The following TENM4 variants were observed in gnomAD, a reference collection of about 807,000 sequenced individuals.
The protein encoded by TENM4 is teneurin transmembrane protein 4, also known as teneurin-4.
Under a neutral mutation model 243.3 loss-of-function variants are expected in TENM4, and 82 were observed. The ratio of observed to expected loss-of-function variants is 0.34; its 90% CI spans 0.28 to 0.40. The LOEUF is 0.40. TENM4 is among the 10% of genes least tolerant of loss of function. The pLI is 1.00. For synonymous variants in TENM4, 1,412 were observed against 1,456.3 expected (o/e 0.97, Z 0.69); for missense variants, 3,138 against 3,673.3 (o/e 0.85, Z 3.77).
chr11:78,896,832 A>T (rs1855811058), intron 7 of TENM4, among the ~76,000 whole-genome samples: 1 of 152,100 alleles, frequency 6.6e-6, no homozygotes, highest in African/African-American at 2.4e-5. Flanking sequence ...GACCTGAGGC[A>T]AGTTACTTAA....
chr11:78,660,673 T>C (rs961988847), intron 33 of TENM4, among the ~76,000 whole-genome samples: 3 of 152,216 alleles, frequency 2.0e-5, no homozygotes, highest in African/African-American at 4.8e-5. Context: ...AGGCTTAGTC[T>C]CTGCCTGATT....
chr11:78,866,170 G>A (rs1445090784), intron 9 of TENM4, among the ~76,000 whole-genome samples: 1 of 152,140 alleles, frequency 6.6e-6, no homozygotes, highest in Non-Finnish European at 1.5e-5. Context: ...GGCTGGATTA[G>A]CTCAAAATTC....
chr11:79,271,895 C>A (rs1361520499), intron 2 of TENM4, among the ~76,000 whole-genome samples: 1 of 152,206 alleles, frequency 6.6e-6, no homozygotes, highest in Admixed American at 6.5e-5. Flanking sequence ...ACTTCCCATG[C>A]ACTGAGCACC....
intron 4 of TENM4, among the ~76,000 whole-genome samples, chr11:79,071,411 C>T (rs988330013): frequency 6.6e-6 from 1 of 151,402 alleles, no homozygotes; most frequent in Non-Finnish European, 1.5e-5. Context: ...GGGGCCTTGA[C>T]AGCTGGGAGG....
In TENM4 at chr11:78,669,548, C is replaced by A; in HGVS notation, c.6797G>T (p.Gly2266Val). The change falls in exon 32 of 34, where the codon GGT becomes GTT. Residue 2266 changes from glycine to valine, a missense_variant. Transcript: ENST00000278550. The surrounding 1 kb of genome is among the most constrained non-coding windows in gnomAD (Gnocchi z 6.4). The stretch of plus-strand genomic sequence containing the variant: ...AGCTGAGTTGTACTCAAAGATATCA[C>A]CGCCCCGCTGCCTCAGGAAGCCATC... Reference protein sequence around the residue: ...DEDGFLRQRGGDIFEYNSAGL... With the variant: ...DEDGFLRQRGVDIFEYNSAGL... The A allele has an allele frequency of 1.9e-6, 3 of 1,613,956 alleles. No homozygotes were observed. The highest frequency in any genetic ancestry group is 2.5e-6 in the Non-Finnish European group (3 of 1,179,900).
chr11:79,378,352 C>T (rs532539215), intron 1 of TENM4, among the ~76,000 whole-genome samples: 3 of 152,318 alleles, frequency 2.0e-5, no homozygotes, highest in Non-Finnish European at 4.4e-5. Flanking sequence ...ATGTGGGGAT[C>T]ACGCTCCTGA....
intron 2 of TENM4, among the ~76,000 whole-genome samples, chr11:79,220,608 A>G (rs1864137839): frequency 6.6e-6 from 1 of 152,206 alleles, no homozygotes; most frequent in African/African-American, 2.4e-5. Flanking sequence ...TTTCCTCCTC[A>G]CAAATTTACC....
intron 29 of TENM4, among the ~76,000 whole-genome samples, chr11:78,677,326 C>T (rs1353982032): frequency 6.7e-6 from 1 of 149,332 alleles, no homozygotes; most frequent in African/African-American, 2.5e-5. Flanking sequence ...GTGATCATAG[C>T]TCACTGTAAC....
chr11:79,125,614 C>G (rs1485763058), intron 4 of TENM4, among the ~76,000 whole-genome samples: 1 of 152,136 alleles, frequency 6.6e-6, no homozygotes, highest in Non-Finnish European at 1.5e-5. Context: ...TTTGTAAACT[C>G]TGATGAACTT....
intron 6 of TENM4, among the ~76,000 whole-genome samples, chr11:79,004,885 A>G (rs1271121050): frequency 6.6e-6 from 1 of 151,578 alleles, no homozygotes; most frequent in Non-Finnish European, 1.5e-5. Context: ...AGAAGATACA[A>G]ATAAACACAA....
At chr11:78,685,228 T>G (rs1858637287) in intron 29 of TENM4, among the ~76,000 whole-genome samples, 1 of 152,246 alleles carries the variant, frequency 6.6e-6, no homozygotes, top group South Asian at 2.1e-4. Flanking sequence ...GGGAACAGCA[T>G]CTGTAGAGGC....
chr11:79,196,481 T>C (rs1863629497), intron 3 of TENM4, among the ~76,000 whole-genome samples: 1 of 152,068 alleles, frequency 6.6e-6, no homozygotes, highest in South Asian at 2.1e-4. Context: ...AGCCTCAGTG[T>C]CTCTGTCTGT....
At chr11:79,075,855 G>T (rs1461728804) in intron 4 of TENM4, among the ~76,000 whole-genome samples, 3 of 152,240 alleles carry the variant, frequency 2.0e-5, no homozygotes, top group Non-Finnish European at 4.4e-5. Flanking sequence ...CCTTAGAGAA[G>T]AATTCATTTT....
At chr11:78,816,184 C>A (rs1303030715) in intron 12 of TENM4, among the ~76,000 whole-genome samples, 1 of 152,220 alleles carries the variant, frequency 6.6e-6, no homozygotes, top group Admixed American at 6.5e-5. Flanking sequence ...AAGAAACTAG[C>A]CCTGGCCTTG....
At chr11:78,873,333 T>C (rs1451562949) in intron 9 of TENM4, among the ~76,000 whole-genome samples, 1 of 152,220 alleles carries the variant, frequency 6.6e-6, no homozygotes, top group East Asian at 1.9e-4. Context: ...ACAGCCATAG[T>C]CATTACTTGG....
chr11:79,116,940 A>G (rs1453146300), intron 4 of TENM4, among the ~76,000 whole-genome samples: 2 of 152,174 alleles, frequency 1.3e-5, no homozygotes, highest in African/African-American at 4.8e-5. Flanking sequence ...CACAAGTTTT[A>G]CTTTTTATTT....
intron 27 of TENM4, among the ~76,000 whole-genome samples, chr11:78,708,146 C>T (rs1859302436): frequency 6.6e-6 from 1 of 152,222 alleles, no homozygotes; most frequent in African/African-American, 2.4e-5. Flanking sequence ...TTCACTGTCC[C>T]CTGGGCTTCC....
intron 10 of TENM4, among the ~76,000 whole-genome samples, chr11:78,859,116 T>C (rs780372878): frequency 2.6e-5 from 4 of 152,144 alleles, no homozygotes; most frequent in Non-Finnish European, 2.9e-5. Context: ...AAGAGTCCGA[T>C]AGGATTCACA....
chr11:79,323,227 T>C (rs1856920379), intron 1 of TENM4, among the ~76,000 whole-genome samples: 1 of 152,240 alleles, frequency 6.6e-6, no homozygotes. Context: ...TTCTAAATCC[T>C]GATCCCAGAA....
Sources: gnomAD v4.1 joint callset for allele counts (sites outside exome capture counted in the v4.1 genomes callset) on GRCh38, gnomAD v4.1.1 for gene constraint, Gnocchi (gnomAD v3.1) non-coding constraint, MANE v1.5 for transcripts, NCBI Gene and HGNC (gene_info 2026-07-23, HGNC 2026-07-21) for gene names.